Variants in TNFRSF19 observed in about 807,000 individuals in gnomAD.
TNFRSF19 encodes the protein tumor necrosis factor receptor superfamily member 19.
TNFRSF19 carries 27 observed loss-of-function variants against 46.4 expected under a neutral mutation model. That is an observed-to-expected ratio of 0.58 (90% CI 0.43 to 0.80). The LOEUF (loss-of-function observed/expected upper bound fraction) is 0.80. Ranked by LOEUF, TNFRSF19 falls within the 30% of genes least tolerant of loss-of-function variation. TNFRSF19 has a pLI of 0.00. For synonymous variants in TNFRSF19, 204 were observed against 205.0 expected (o/e 1.00, Z 0.04); for missense variants, 511 against 530.8 (o/e 0.96, Z 0.37).
At chr13:23,654,538 G>T (rs921416828) in intron 5 of TNFRSF19, among the ~76,000 whole-genome samples, 1 of 152,132 alleles carries the variant, frequency 6.6e-6, no homozygotes, top group East Asian at 1.9e-4. Context: ...TGCACACTGG[G>T]GCAGCTCTGC....
chr13:23,594,319 A>C (rs1437100452), intron 3 of TNFRSF19: 1 of 450,172 alleles, frequency 2.2e-6, no homozygotes, highest in Non-Finnish European at 4.5e-6. Context: ...AGCAGATCCA[A>C]CTCCCATGGA....
At position 23,644,366 on chromosome 13, in the gene TNFRSF19, A is replaced by T. The variant is rs7994696; in HGVS notation, c.446-14684A>T. ...GTTTCCTTCATCCCGTTCTCATGAT[A>T]TAGTAAGTTAGTTCTCACAAGATCT... On this transcript the variant is annotated intron_variant, in intron 5 of 9. Coordinates refer to ENST00000248484, the MANE Select transcript of TNFRSF19 (RefSeq NM_148957.4). Among the ~76,000 whole-genome samples the T allele has an allele frequency of 8.1e-3, 1,234 of 152,278 alleles. 17 individuals carry two copies. The highest frequency in any genetic ancestry group is 0.028 in the African/African-American group (1,173 of 41,542).
At chr13:23,614,033 C>T (rs923327002) in intron 3 of TNFRSF19, among the ~76,000 whole-genome samples, 1 of 152,200 alleles carries the variant, frequency 6.6e-6, no homozygotes, top group African/African-American at 2.4e-5. Context: ...GAGATAATCC[C>T]TGTTAACAAT....
chr13:23,595,927 C>T (rs1879688381), intron 3 of TNFRSF19, among the ~76,000 whole-genome samples: 1 of 152,216 alleles, frequency 6.6e-6, no homozygotes, highest in Non-Finnish European at 1.5e-5. Flanking sequence ...AGAAACCCTA[C>T]AAGCCAGAAG....
At position 23,659,461 on chromosome 13, in the gene TNFRSF19, A is replaced by C. The variant is rs940967017; in HGVS notation, c.610+247A>C. 1.3e-5 allele frequency among the ~76,000 whole-genome samples: 2 copies of C among 152,152 alleles called. No individual in the cohort carries two copies. Among genetic ancestry groups the C allele is most frequent in the Non-Finnish European group, 2.9e-5 (2 of 68,028 alleles). ...TAGCCTATTGTTGACGGGAAGCCTT[A>C]CTGATAAACAGTTGGTTAATACATC... On this transcript the variant is annotated intron_variant, in intron 6 of 9. Transcript: ENST00000248484. This position sits in a 1 kb window ranked among gnomAD's most constrained non-coding sequence, Gnocchi z 4.9.
intron 3 of TNFRSF19, among the ~76,000 whole-genome samples, chr13:23,607,635 A>T (rs148067803): frequency 6.6e-6 from 1 of 151,838 alleles, no homozygotes; most frequent in African/African-American, 2.4e-5. Flanking sequence ...ACAACAAAAG[A>T]TTTTTTTATA....
rs1555273059 is a variant in TNFRSF19 at position 23,614,746 on chromosome 13, C to CACATATATATATAT, written c.181-1120_181-1119insCATATATATATATA. Reference sequence around the variant, plus strand: ...AGCCGCTTCCTGTGGATAAGTAATACATATATATATATATATATATATAGT... The same window carrying CACATATATATATAT: ...AGCCGCTTCCTGTGGATAAGTAATACACATATATATATATATATATATATATATATATATATAGT... On this transcript the variant is annotated intron_variant, in intron 3 of 9. Transcript: ENST00000248484. Among the ~76,000 whole-genome samples, 24 of 134,906 alleles carry CACATATATATATAT rather than the reference C, an allele frequency of 1.8e-4. No homozygotes were observed. In the East Asian group the frequency reaches 4.6e-3, roughly 26 times the overall value. 88.5% of individuals were successfully genotyped at this position (134,906 alleles called of 152,430 possible). A position where few individuals can be genotyped will look rare whatever the true frequency, so the allele number is the denominator to read the frequency against.
rs1211527047 is a variant in TNFRSF19, at chr13:23,570,735, AT to A, written c.-144del. 1 of 152,112 alleles carries A rather than the reference AT, an allele frequency of 6.6e-6. No homozygotes were observed. The highest frequency in any genetic ancestry group is 1.5e-5 in the Non-Finnish European group (1 of 68,034). 9.4% of individuals were successfully genotyped at this position (152,112 alleles called of 1,614,324 possible). A position where few individuals can be genotyped will look rare whatever the true frequency, so the allele number is the denominator to read the frequency against. On this transcript the variant is annotated 5_prime_UTR_variant, in exon 1 of 10. The change creates a premature stop within an existing upstream ORF in the 5' untranslated region. Transcript: ENST00000248484. ...CGTCTGCCTTTGATCTGCATGGTTA[AT>A]TTTATTTTCCTGGATTTGAAGTTTC... is the stretch of plus-strand genomic sequence containing the variant.
intron 7 of TNFRSF19, among the ~76,000 whole-genome samples, chr13:23,666,237 G>C (rs1951630961): frequency 6.6e-6 from 1 of 152,140 alleles, no homozygotes; most frequent in Non-Finnish European, 1.5e-5. Context: ...GGGATACTTG[G>C]AGGCTGTGTA....
chr13:23,635,889 A>C (rs1234140550), intron 5 of TNFRSF19, among the ~76,000 whole-genome samples: 1 of 152,208 alleles, frequency 6.6e-6, no homozygotes, highest in Non-Finnish European at 1.5e-5. Context: ...ATGTATATAC[A>C]AGAAGATGCA....
In TNFRSF19 at chr13:23,659,136, C is replaced by G. The variant is rs1884173407; in HGVS notation, c.532C>G (p.Leu178Val). Residue 178 changes from leucine to valine, a missense_variant, in exon 6 of 10, where the codon CTG (leucine) becomes GTG (valine). Leu to Val is a conservative substitution (Grantham distance 32, BLOSUM62 1). Around this residue, in one of 3 missense-constraint regions of TNFRSF19, gnomAD observed 376 missense variants for 372.7 expected, o/e 1.01. Coordinates refer to ENST00000248484, the MANE Select transcript of TNFRSF19 (RefSeq NM_148957.4). The surrounding 1 kb of genome is among the most constrained non-coding windows in gnomAD (Gnocchi z 4.9). ...TALAAVICSA[L>V]ATVLLALLIL... is the part of the protein sequence containing the mutation. ...GCTGGCTGCCGTTATCTGCAGCGCT[C>G]TGGCCACCGTCCTGCTGGCCCTGCT... The G allele has an allele frequency of 6.2e-7, 1 of 1,614,148 alleles. No individual in the cohort carries two copies. The highest frequency in any genetic ancestry group is 8.5e-7 in the Non-Finnish European group (1 of 1,180,048).
intron 1 of TNFRSF19, among the ~76,000 whole-genome samples, chr13:23,577,024 T>A (rs1878004366): frequency 6.6e-6 from 1 of 152,266 alleles, no homozygotes; most frequent in Admixed American, 6.5e-5. Context: ...GTGCTAGGCA[T>A]TGGCCTAAGC....
intron 5 of TNFRSF19, among the ~76,000 whole-genome samples, chr13:23,641,617 C>T (rs1883039219): frequency 6.6e-6 from 1 of 152,230 alleles, no homozygotes; most frequent in Non-Finnish European, 1.5e-5. Flanking sequence ...AGGCGTGAGC[C>T]ACCGTGCCTG....
At chr13:23,603,498 T>C (rs1003061943) in intron 3 of TNFRSF19, among the ~76,000 whole-genome samples, 22 of 151,954 alleles carry the variant, frequency 1.4e-4, no homozygotes, top group African/African-American at 5.3e-4. Context: ...CCCTAATGCC[T>C]AAACCAAAGA....
chr13:23,673,604 A>G lies in TNFRSF19; in HGVS notation c.*224A>G. ...ACAAGAAAAGACTCCAGGCCGACTC[A>G]TGATACTCTGCATCTTTCCTACATG... On this transcript the variant is annotated 3_prime_UTR_variant, in exon 10 of 10. Coordinates refer to ENST00000248484, the MANE Select transcript of TNFRSF19 (RefSeq NM_148957.4). 1 of 1,212,060 alleles carries G rather than the reference A, an allele frequency of 8.3e-7. No individual in the cohort carries two copies. 75.1% of individuals were successfully genotyped at this position (1,212,060 alleles called of 1,614,324 possible).
At chr13:23,654,397 C>T (rs143518173) in intron 5 of TNFRSF19, among the ~76,000 whole-genome samples, 65 of 152,206 alleles carry the variant, frequency 4.3e-4, no homozygotes, top group African/African-American at 1.4e-3. Flanking sequence ...GACACCCAGA[C>T]GTTGCTCAGC....
intron 3 of TNFRSF19, among the ~76,000 whole-genome samples, chr13:23,609,497 C>T (rs1029430267): frequency 3.3e-5 from 5 of 152,146 alleles, no homozygotes; most frequent in African/African-American, 4.8e-5. Flanking sequence ...CCTCCTCACT[C>T]GTATTAATGC....
At chr13:23,638,911 GTAAT>G (rs1882869629) in intron 5 of TNFRSF19, among the ~76,000 whole-genome samples, 1 of 152,122 alleles carries the variant, frequency 6.6e-6, no homozygotes, top group African/African-American at 2.4e-5. Context: ...GGTCTGTTGT[GTAAT>G]TAATACACAT....
chr13:23,666,747 G>A (rs750079502), intron 7 of TNFRSF19, among the ~76,000 whole-genome samples: 2 of 152,288 alleles, frequency 1.3e-5, no homozygotes, highest in African/African-American at 4.8e-5. Context: ...AAACCCTGGC[G>A]AGTTCAGCGG....
Sources: gnomAD v4.1 joint callset for allele counts (sites outside exome capture counted in the v4.1 genomes callset) on GRCh38, gnomAD v4.1.1 for gene constraint, gnomAD v4.1.1 regional missense constraint, Gnocchi (gnomAD v3.1) non-coding constraint, MANE v1.5 for transcripts, NCBI Gene and HGNC (gene_info 2026-07-23, HGNC 2026-07-21) for gene names.